ANKRD36: variants seen among roughly 807,000 people sequenced by gnomAD.
The protein encoded by ANKRD36 is ankyrin repeat domain-containing protein 36A.
A neutral mutation model predicts 278.1 loss-of-function variants in ANKRD36; 179 were observed. That is an observed-to-expected ratio of 0.64 (90% CI 0.57 to 0.73). The LOEUF (loss-of-function observed/expected upper bound fraction) is 0.73, where lower values mean the gene tolerates loss of function less well. ANKRD36 is among the 30% of genes least tolerant of loss of function. The pLI is 0.00. For synonymous variants in ANKRD36, 320 were observed against 641.1 expected, an observed-to-expected ratio of 0.50 and a Z score of 7.57; for missense variants, 1,159 against 1,956.7, an observed-to-expected ratio of 0.59 and a Z score of 7.69.
At chr2:97,204,138 A>T in intron 49 of ANKRD36, 42 bp downstream of exon 49, 1 of 1,571,792 alleles carries the variant, frequency 6.4e-7, no homozygotes, top group African/African-American at 1.4e-5. Context: ...GTAAATGTAT[A>T]GTCTACGAAA....
intron 12 of ANKRD36, among the ~76,000 whole-genome samples, chr2:97,150,869 ATTG>A (rs2045753893): frequency 3.4e-5 from 1 of 29,786 alleles, no homozygotes; most frequent in Non-Finnish European, 6.5e-5. Flanking sequence ...CTGGAATTTT[ATTG>A]TTTTTTTTTT....
chr2:97,198,828 A>G (rs1298743539), intron 44 of ANKRD36, among the ~76,000 whole-genome samples, 170 bp downstream of exon 44: 2 of 151,738 alleles, frequency 1.3e-5, no homozygotes, highest in African/African-American at 4.8e-5. Context: ...CTGGTCTGGA[A>G]CATGATCTTC....
At chr2:97,151,372 T>C (rs1029831883) in intron 12 of ANKRD36, among the ~76,000 whole-genome samples, 1 of 152,074 alleles carries the variant, frequency 6.6e-6, no homozygotes, top group Non-Finnish European at 1.5e-5. Context: ...TGTTTTTAGC[T>C]TTTGACACGC....
At chr2:97,211,963 A>G (rs1223162506) in intron 58 of ANKRD36, among the ~76,000 whole-genome samples, 1 of 151,892 alleles carries the variant, frequency 6.6e-6, no homozygotes, top group Non-Finnish European at 1.5e-5. Context: ...ATTGGGAAAA[A>G]GAACCATCTG....
chr2:97,136,805 C>T (rs1358427879), intron 6 of ANKRD36, among the ~76,000 whole-genome samples: 1 of 152,040 alleles, frequency 6.6e-6, no homozygotes, highest in Non-Finnish European at 1.5e-5. Context: ...TGTTCTTTGA[C>T]AATGCCTGCT....
At chr2:97,200,398 A>G in intron 45 of ANKRD36, 36 bp downstream of exon 45, 1 of 1,603,840 alleles carries the variant, frequency 6.2e-7, no homozygotes, top group Non-Finnish European at 8.5e-7. Flanking sequence ...GAGCTAGTAA[A>G]CGTATAGCCT....
rs549775677 is a variant in ANKRD36 at position 97,126,779 on chromosome 2, G to C, written c.732-288G>C. Among the ~76,000 whole-genome samples the C allele has an allele frequency of 1.8e-4, 28 of 151,434 alleles. No homozygotes were observed. The South Asian group carries it at 2.7e-3, about 15-fold the overall frequency. ...CTTGTTTAAGAGCAAATACCTGTTG[G>C]CTATAGAGCCAGGACCTTCCAGTAA... On this transcript the variant is annotated intron_variant, in intron 5 of 75. Transcript: ENST00000420699.
intron 20 of ANKRD36, among the ~76,000 whole-genome samples, chr2:97,164,975 A>G (rs2050240270): frequency 6.6e-6 from 1 of 152,120 alleles, no homozygotes; most frequent in Non-Finnish European, 1.5e-5. Context: ...GAATAAAATG[A>G]TTAATCATTC....
intron 50 of ANKRD36, among the ~76,000 whole-genome samples, chr2:97,205,611 AG>A (rs2062628231): frequency 6.6e-6 from 1 of 151,538 alleles, no homozygotes; most frequent in African/African-American, 2.4e-5. Flanking sequence ...ATTGATTCTC[AG>A]GTGTGTGAGT....
chr2:97,117,503 A>G (rs1224146268), intron 1 of ANKRD36, among the ~76,000 whole-genome samples: 2 of 152,054 alleles, frequency 1.3e-5, no homozygotes, highest in Non-Finnish European at 2.9e-5. Context: ...CAGTATTCCA[A>G]TGTCAGGAGA....
rs758135051 is a variant in ANKRD36, at chr2:97,190,928, C to T, written c.2246-50C>T. The T allele has an allele frequency of 8.8e-6, 14 of 1,593,824 alleles. No homozygotes were observed. The African/African-American group carries it at 1.7e-4, about 20-fold the overall frequency. ...TAACACTGTGTGAATGTATGGATAA[C>T]TTTATCATGTTTATATATGAGTGAT... On this transcript the variant is annotated intron_variant, in intron 34 of 75. Transcript: ENST00000420699.
chr2:97,209,913 T>C lies in ANKRD36; in HGVS notation c.3367+41T>C, dbSNP rs759103964. On this transcript the variant is annotated intron_variant, in intron 56 of 75. Transcript: ENST00000420699. ...GATTTAATGTCATGTTCAGTCCAGA[T>C]AGGTAAGAAATTCTCTTCCCTGAAT... The C allele has an allele frequency of 9.1e-6, 14 of 1,543,760 alleles. No homozygotes were observed. In the Admixed American group the frequency reaches 2.0e-4, roughly 22 times the overall value.
intron 6 of ANKRD36, among the ~76,000 whole-genome samples, chr2:97,131,021 A>G (rs1438366867): frequency 1.3e-5 from 2 of 152,052 alleles, no homozygotes; most frequent in African/African-American, 2.4e-5. Context: ...TTAAATTTTC[A>G]AATTAAGTTA....
chr2:97,202,747 G>A (rs1300723315), intron 48 of ANKRD36, among the ~76,000 whole-genome samples: 26 of 151,874 alleles, frequency 1.7e-4, no homozygotes, highest in South Asian at 6.3e-4. Context: ...ACGTCACATC[G>A]TACTGCTAAA....
At chr2:97,164,181 G>A in intron 18 of ANKRD36, 102 bp from the exon 19 acceptor site, 1 of 1,490,432 alleles carries the variant, frequency 6.7e-7, no homozygotes, top group Admixed American at 2.3e-5. Context: ...ACAATTTCAA[G>A]GGCAAGCACG....
intron 56 of ANKRD36, among the ~76,000 whole-genome samples, chr2:97,210,177 A>G (rs1474648734): frequency 6.6e-6 from 1 of 151,814 alleles, no homozygotes; most frequent in African/African-American, 2.4e-5. Context: ...GTTTTCAGTA[A>G]GGGTGGAAGG....
At chr2:97,200,063 C>T (rs1186703606) in intron 44 of ANKRD36, among the ~76,000 whole-genome samples, 2 of 151,858 alleles carry the variant, frequency 1.3e-5, no homozygotes, top group Non-Finnish European at 2.9e-5. Context: ...CTCGGCATAT[C>T]CACATTGAGA....
intron 14 of ANKRD36, among the ~76,000 whole-genome samples, chr2:97,154,118 C>T (rs551776856): frequency 6.8e-6 from 1 of 146,702 alleles, no homozygotes; most frequent in Non-Finnish European, 1.5e-5. Flanking sequence ...TCAGGGGGTT[C>T]CCTGTAGTGT....
chr2:97,161,746 T>C (rs2048936723), intron 17 of ANKRD36, among the ~76,000 whole-genome samples: 1 of 152,234 alleles, frequency 6.6e-6, no homozygotes, highest in South Asian at 2.1e-4. Context: ...CATGCTGCCC[T>C]CACTAGAAAC....
Sources: gnomAD v4.1 joint callset for allele counts (sites outside exome capture counted in the v4.1 genomes callset) on GRCh38, gnomAD v4.1.1 for gene constraint, MANE v1.5 for transcripts, NCBI Gene and HGNC (gene_info 2026-07-23, HGNC 2026-07-21) for gene names.